Variants in HCLS1 observed in about 807,000 individuals in gnomAD.
HCLS1 encodes hematopoietic cell-specific Lyn substrate 1, also known as hematopoietic lineage cell-specific protein.
Under a neutral mutation model 68.6 loss-of-function variants are expected in HCLS1, and 44 were observed. The observed-to-expected ratio is 0.64, with a 90% CI of 0.50 to 0.82. The LOEUF is 0.82. Among genes scored for constraint, HCLS1 ranks in the 40% least tolerant of loss-of-function variants. HCLS1 has a pLI of 0.00. For synonymous variants in HCLS1, 217 were observed against 225.8 expected (o/e 0.96, Z 0.35); for missense variants, 602 against 612.1 (o/e 0.98, Z 0.17).
chr3:121,645,228 A>G (rs904352757), intron 4 of HCLS1, among the ~76,000 whole-genome samples: 13 of 152,210 alleles, frequency 8.5e-5, no homozygotes, highest in South Asian at 8.3e-4. Context: ...ACCAGAAACA[A>G]AAAGAGCTGA....
At chr3:121,637,774 A>T (rs1313365204) in intron 6 of HCLS1, among the ~76,000 whole-genome samples, 1 of 152,066 alleles carries the variant, frequency 6.6e-6, no homozygotes, top group Non-Finnish European at 1.5e-5. Context: ...GTCTCTACTA[A>T]AAAATACAAA....
chr3:121,648,200 C>T (rs1937652639), intron 3 of HCLS1, among the ~76,000 whole-genome samples: 1 of 152,148 alleles, frequency 6.6e-6, no homozygotes, highest in Non-Finnish European at 1.5e-5. Flanking sequence ...CTAATGAAAA[C>T]TAACTAAGAA....
rs779019133 is a variant in HCLS1 at position 121,632,444 on chromosome 3, A to G, written c.1128T>C (p.Asn376=). 1.4e-6 allele frequency: 2 copies of G among 1,382,996 alleles called. No individual in the cohort carries two copies. The highest frequency in any genetic ancestry group is 2.0e-6 in the Non-Finnish European group (2 of 992,032). 85.7% of individuals were successfully genotyped at this position (1,382,996 alleles called of 1,614,324 possible). A position where few individuals can be genotyped will look rare whatever the true frequency, so the allele number is the denominator to read the frequency against. ...CCATCTCCTCAACGTCCTCATAGTC[A>G]TTCTCAGGCTCGGGCTCAGGCTCGG... ...PEPEPEPEPE[N]DYEDVEEMDR... The change falls in exon 12 of 14, where the codon AAT becomes AAC. Residue 376 remains asparagine (N), a synonymous_variant. Coordinates refer to ENST00000314583, the MANE Select transcript of HCLS1 (RefSeq NM_005335.6).
Position 121,658,328 on chromosome 3 carries a change from C to G in HCLS1, c.20G>C (p.Gly7Ala), listed in dbSNP as rs150386736. 1.5e-4 allele frequency: 234 copies of G among 1,613,506 alleles called. 1 individual carries two copies. In the African/African-American group the frequency reaches 2.8e-3, roughly 20 times the overall value. MWKSVVGHDVSVSVETQ... is the reference protein window; with the variant it reads MWKSVVAHDVSVSVETQ... Reference sequence around the variant, plus strand: ...CTCCACGGAAACAGACACATCATGGCCCACTACAGACTTCCACATCTGAGA... The same window carrying G: ...CTCCACGGAAACAGACACATCATGGGCCACTACAGACTTCCACATCTGAGA... The change falls in exon 2 of 14, where the codon GGC becomes GCC. Residue 7 changes from glycine to alanine, a missense_variant. Transcript: ENST00000314583.
Position 121,632,446 on chromosome 3 carries a change from T to TCTCAGGCTCGGGCTCAGGCTCGGG in HCLS1, c.1102_1125dup (p.Pro368_Glu375dup), listed in dbSNP as rs756580210. The TCTCAGGCTCGGGCTCAGGCTCGGG allele has an allele frequency of 7.5e-7, 1 of 1,335,864 alleles. No homozygotes were observed. The highest frequency in any genetic ancestry group is 1.1e-6 in the Non-Finnish European group (1 of 951,130). 82.8% of individuals were successfully genotyped at this position (1,335,864 alleles called of 1,614,324 possible). ...ATCTCCTCAACGTCCTCATAGTCAT[T>TCTCAGGCTCGGGCTCAGGCTCGGG]CTCAGGCTCGGGCTCAGGCTCGGGC... On this transcript the variant is annotated inframe_insertion, in exon 12 of 14. Transcript: ENST00000314583.
intron 5 of HCLS1, chr3:121,643,900 C>T (rs2049222603): frequency 6.6e-6 from 1 of 152,248 alleles, no homozygotes; most frequent in Admixed American, 6.5e-5. Context: ...ACACTGCATG[C>T]TCCATATTTC....
intron 6 of HCLS1, among the ~76,000 whole-genome samples, 192 bp from the exon 7 acceptor site, chr3:121,637,448 C>T (rs1015052229): frequency 1.3e-5 from 2 of 152,072 alleles, no homozygotes; most frequent in Non-Finnish European, 2.9e-5. Context: ...CTTACTTTTT[C>T]CCTCTCTTCT....
intron 3 of HCLS1, 174 bp from the exon 4 acceptor site, chr3:121,647,622 A>G (rs1295375314): frequency 3.5e-6 from 2 of 564,724 alleles, no homozygotes; most frequent in Admixed American, 3.0e-5. Flanking sequence ...CCTGCATACC[A>G]TAGCCTGATT....
rs1219567427 is a variant in HCLS1 at position 121,632,459 on chromosome 3, C to T, written c.1113G>A (p.Glu371=). The T allele has an allele frequency of 1.9e-6, 3 of 1,613,894 alleles. No individual in the cohort carries two copies. In the African/African-American group the frequency reaches 4.0e-5, roughly 22 times the overall value. ...CCTCATAGTCATTCTCAGGCTCGGGCTCAGGCTCGGGCTCAGGCTCAGGCT... is the reference window on the plus strand; with the variant it reads ...CCTCATAGTCATTCTCAGGCTCGGGTTCAGGCTCGGGCTCAGGCTCAGGCT... The part of the protein sequence containing the change: ...EAEPEPEPEP[E]PEPENDYEDV... Residue 371 remains glutamate, a synonymous_variant, in exon 12 of 14, where the codon GAG becomes GAA. Coordinates refer to ENST00000314583, the MANE Select transcript of HCLS1 (RefSeq NM_005335.6).
At chr3:121,636,716 A>G (rs2049154281) in intron 7 of HCLS1, among the ~76,000 whole-genome samples, 3 of 152,176 alleles carry the variant, frequency 2.0e-5, no homozygotes, top group Admixed American at 6.5e-5. Flanking sequence ...TGGAAAGCAG[A>G]AAGCAACAGA....
At chr3:121,653,522 C>T (rs1311946945) in intron 3 of HCLS1, 1 of 152,178 alleles carries the variant, frequency 6.6e-6, no homozygotes, top group Non-Finnish European at 1.5e-5. Context: ...TAAGTTATAG[C>T]CATGGCTCTT....
intron 8 of HCLS1, 143 bp downstream of exon 8, chr3:121,636,291 G>A (rs2049150606): frequency 2.9e-6 from 2 of 684,966 alleles, no homozygotes; most frequent in African/African-American, 1.8e-5. Flanking sequence ...CAGTCAGTGG[G>A]GACTGCAGGA....
At chr3:121,649,141 G>C (rs1170098140) in intron 3 of HCLS1, among the ~76,000 whole-genome samples, 1 of 152,110 alleles carries the variant, frequency 6.6e-6, no homozygotes, top group Non-Finnish European at 1.5e-5. Context: ...CTAGTCAGGG[G>C]ATCATACCAA....
chr3:121,635,262 TCTCTCTCTCTCTC>T (rs1199448983), intron 9 of HCLS1, among the ~76,000 whole-genome samples: 1 of 112,996 alleles, frequency 8.8e-6, no homozygotes, highest in African/African-American at 3.0e-5. Flanking sequence ...TCTCTCTCTC[TCTCTCTCTCTCTC>T]CTCTCTCTCC....
intron 9 of HCLS1, among the ~76,000 whole-genome samples, chr3:121,634,965 C>T (rs1321835752): frequency 6.6e-6 from 1 of 151,990 alleles, no homozygotes; most frequent in East Asian, 1.9e-4. Flanking sequence ...AAACTTTGGG[C>T]TTCCAAAAAG....
Position 121,656,165 on chromosome 3 carries a change from G to C in HCLS1, c.158+1114C>G, listed in dbSNP as rs1937865368. On this transcript the variant is annotated intron_variant, in intron 3 of 13. Transcript: ENST00000314583. ...CGCCCGGCCGAAACCATTTATTTCT[G>C]ATTAAACAATGTGGTATTGTCATCC... 3 of 151,988 alleles carry C rather than the reference G, an allele frequency of 2.0e-5. No homozygotes were observed. In the South Asian group the frequency reaches 6.2e-4, roughly 31 times the overall value. The allele number at this position is 151,988 out of a possible 1,614,324, so 9.4% of individuals were successfully genotyped here.
intron 6 of HCLS1, among the ~76,000 whole-genome samples, chr3:121,640,941 A>C (rs1208352436): frequency 6.6e-6 from 1 of 152,178 alleles, no homozygotes; most frequent in Non-Finnish European, 1.5e-5. Flanking sequence ...CAGCTTAAAC[A>C]ATAATGAAAT....
At chr3:121,642,400 C>T (rs1277476341) in intron 6 of HCLS1, among the ~76,000 whole-genome samples, 2 of 151,958 alleles carry the variant, frequency 1.3e-5, no homozygotes, top group East Asian at 1.9e-4. Context: ...ACCCAGGACA[C>T]AGAGCTTGCG....
intron 11 of HCLS1, 137 bp downstream of exon 11, chr3:121,632,930 C>T (rs1576459930): frequency 3.2e-6 from 2 of 625,442 alleles, no homozygotes; most frequent in Non-Finnish European, 2.9e-6. Context: ...AGAGGAGTTT[C>T]CCAGAAGGCA....
Sources: allele counts gnomAD v4.1 joint callset (sites outside exome capture counted in the v4.1 genomes callset), GRCh38; gene constraint gnomAD v4.1.1; transcripts MANE v1.5; gene names NCBI Gene and HGNC (gene_info 2026-07-23, HGNC 2026-07-21).